Variants in PCDH15 observed in about 807,000 individuals in gnomAD.
PCDH15 encodes protocadherin related 15, also known as protocadherin-15.
In PCDH15, 129 loss-of-function variants were observed where a neutral mutation model predicts 178.5. The ratio of observed to expected loss-of-function variants is 0.72; its 90% CI spans 0.63 to 0.84. The LOEUF (loss-of-function observed/expected upper bound fraction) is 0.84, where lower values mean the gene tolerates loss of function less well. Among genes scored for constraint, PCDH15 ranks in the 40% least tolerant of loss-of-function variants. The pLI is 0.00. For synonymous variants in PCDH15, 800 were observed against 732.0 expected (o/e 1.09, Z -1.50); for missense variants, 2,230 against 2,099.9 (o/e 1.06, Z -1.21).
At chr10:54,671,337 T>C (rs979955401) in intron 1 of PCDH15, among the ~76,000 whole-genome samples, 3 of 152,120 alleles carry the variant, frequency 2.0e-5, no homozygotes, top group African/African-American at 7.2e-5. Flanking sequence ...TAAATGAGTA[T>C]TTTCCTAAGG....
intron 3 of PCDH15, among the ~76,000 whole-genome samples, chr10:54,401,771 C>A (rs1951962084): frequency 6.6e-6 from 1 of 151,734 alleles, no homozygotes; most frequent in African/African-American, 2.4e-5. Context: ...ATATACAATT[C>A]AAATTACAAA....
chr10:54,849,635 A>C (rs954835932), intron 3 of PCDH15, among the ~76,000 whole-genome samples: 2 of 152,154 alleles, frequency 1.3e-5, no homozygotes, highest in Non-Finnish European at 2.9e-5. Context: ...TGGGTGCATT[A>C]GTTTTTATTT....
chr10:53,942,693 C>G (rs1015238646), intron 23 of PCDH15, among the ~76,000 whole-genome samples: 10 of 152,160 alleles, frequency 6.6e-5, no homozygotes, highest in African/African-American at 2.4e-4. Flanking sequence ...CTGCCAACAA[C>G]CACATGTACT....
chr10:55,608,719 C>T (rs1048296882), intron 2 of PCDH15, among the ~76,000 whole-genome samples: 3 of 151,774 alleles, frequency 2.0e-5, no homozygotes, highest in Admixed American at 2.0e-4. Flanking sequence ...CCCTGATCGA[C>T]TAAAACTGAG....
chr10:53,849,220 TC>T (rs2078181911), intron 28 of PCDH15, among the ~76,000 whole-genome samples: 1 of 152,076 alleles, frequency 6.6e-6, no homozygotes, highest in Admixed American at 6.6e-5. Flanking sequence ...TAGTTTTTAA[TC>T]TTTTTTTTTC....
At chr10:55,444,258 A>T (rs1839265231) in intron 2 of PCDH15, among the ~76,000 whole-genome samples, 1 of 149,288 alleles carries the variant, frequency 6.7e-6, no homozygotes, top group Middle Eastern at 3.4e-3. Flanking sequence ...CATTCTGCAC[A>T]TGTACCCCAG....
At position 55,222,710 on chromosome 10, in the gene PCDH15, T is replaced by TACACACACACACACACACACACACAC. The variant is rs374141989; in HGVS notation, c.-155-56060_-155-56059insGTGTGTGTGTGTGTGTGTGTGTGTGT. Among the ~76,000 whole-genome samples, 52 of 42,152 alleles carry TACACACACACACACACACACACACAC rather than the reference T, an allele frequency of 1.2e-3. 2 individuals carry two copies. Among genetic ancestry groups the TACACACACACACACACACACACACAC allele is most frequent in the African/African-American group, 3.5e-3 (42 of 11,904 alleles). The allele number at this position is 42,152 out of a possible 152,430, so 27.7% of individuals were successfully genotyped here. On this transcript the variant is annotated intron_variant, in intron 1 of 5. Transcript: ENST00000458638. ...AAGTAATGATAATTTTATATCTTTATACACACACACACACACACACATATA... is the reference window on the plus strand; with the variant it reads ...AAGTAATGATAATTTTATATCTTTATACACACACACACACACACACACACACACACACACACACACACACACATATA...
intron 3 of PCDH15, among the ~76,000 whole-genome samples, chr10:54,465,642 T>C (rs899924889): frequency 2.0e-5 from 3 of 152,074 alleles, no homozygotes; most frequent in African/African-American, 7.2e-5. Flanking sequence ...CATTTGTTGG[T>C]TGATGGACAC....
At chr10:54,151,314 G>A (rs1042017458) in intron 14 of PCDH15, among the ~76,000 whole-genome samples, 7 of 152,158 alleles carry the variant, frequency 4.6e-5, no homozygotes, top group African/African-American at 1.7e-4. Flanking sequence ...GCTGAAGTGG[G>A]AGGATCAGTA....
intron 8 of PCDH15, among the ~76,000 whole-genome samples, chr10:54,253,733 G>A (rs535092141): frequency 2.0e-5 from 3 of 151,934 alleles, no homozygotes; most frequent in Non-Finnish European, 4.4e-5. Flanking sequence ...ATTAAAATAT[G>A]CATATGGTAA....
intron 2 of PCDH15, among the ~76,000 whole-genome samples, chr10:54,634,242 CT>C (rs1391103176): frequency 2.7e-5 from 4 of 148,676 alleles, no homozygotes; most frequent in Non-Finnish European, 6.1e-5. Flanking sequence ...AAAAACAATA[CT>C]GCATTTCAAG....
chr10:54,195,617 T>C, intron 11 of PCDH15, 66 bp downstream of exon 11: 1 of 1,350,888 alleles, frequency 7.4e-7, no homozygotes, highest in Non-Finnish European at 1.1e-6. Flanking sequence ...ATCTTTGTCA[T>C]ATTTCCCATT....
At chr10:53,850,322 T>C (rs1323920651) in intron 28 of PCDH15, among the ~76,000 whole-genome samples, 1 of 152,170 alleles carries the variant, frequency 6.6e-6, no homozygotes, top group Non-Finnish European at 1.5e-5. Context: ...AGGATTATTA[T>C]AAAATAGTAG....
At chr10:55,348,596 A>T (rs1221475408) in intron 2 of PCDH15, among the ~76,000 whole-genome samples, 1 of 152,158 alleles carries the variant, frequency 6.6e-6, no homozygotes, top group Non-Finnish European at 1.5e-5. Flanking sequence ...TAAAATTTAG[A>T]AAGTTGTATT....
At chr10:55,543,102 T>C (rs925725651) in intron 2 of PCDH15, among the ~76,000 whole-genome samples, 23 of 130,258 alleles carry the variant, frequency 1.8e-4, no homozygotes, top group African/African-American at 5.8e-4. Context: ...TATGTGTCTA[T>C]ATAGGTACAT....
intron 2 of PCDH15, among the ~76,000 whole-genome samples, chr10:55,060,287 T>C (rs567576217): frequency 9.2e-5 from 14 of 152,196 alleles, no homozygotes; most frequent in African/African-American, 3.1e-4. Flanking sequence ...CAAAAGTATT[T>C]ATTGATATTA....
chr10:54,125,275 C>G (rs549574199), intron 15 of PCDH15, among the ~76,000 whole-genome samples: 2 of 151,968 alleles, frequency 1.3e-5, no homozygotes, highest in East Asian at 3.9e-4. Flanking sequence ...CAGTTTCCAA[C>G]AAGAAAAAGC....
intron 2 of PCDH15, among the ~76,000 whole-genome samples, chr10:54,955,736 T>A (rs952478245): frequency 2.6e-5 from 4 of 151,256 alleles, no homozygotes; most frequent in African/African-American, 9.7e-5. Context: ...TAGGCACACA[T>A]CTTGAAACTA....
intron 2 of PCDH15, among the ~76,000 whole-genome samples, chr10:55,073,644 A>G (rs1302776113): frequency 6.6e-6 from 1 of 152,136 alleles, no homozygotes; most frequent in East Asian, 1.9e-4. Flanking sequence ...TTGATATCAG[A>G]GTAATTCCAG....
Sources: allele counts gnomAD v4.1 joint callset (sites outside exome capture counted in the v4.1 genomes callset), GRCh38; gene constraint gnomAD v4.1.1; transcripts MANE v1.5; gene names NCBI Gene and HGNC (gene_info 2026-07-23, HGNC 2026-07-21).